Variants in CDKN2B-AS1 observed in about 807,000 individuals in gnomAD.
CDKN2B-AS1 encodes the protein CDKN2B antisense RNA 1 (non-protein coding).
intron 4 of CDKN2B-AS1, among the ~76,000 whole-genome samples, chr9:22,090,484 C>T (rs1423049681): frequency 6.6e-6 from 1 of 152,192 alleles, no homozygotes; most frequent in African/African-American, 2.4e-5. Context: ...TCCTCTCCAG[C>T]ACCTGTTGTT....
At chr9:22,061,698 A>T (rs369806522) in intron 4 of CDKN2B-AS1, among the ~76,000 whole-genome samples, 13 of 152,102 alleles carry the variant, frequency 8.5e-5, no homozygotes, top group African/African-American at 2.9e-4. Flanking sequence ...ACTTGTGTTT[A>T]TTTGTCCCAG....
At chr9:22,054,493 C>T (rs553572395) in intron 3 of CDKN2B-AS1, among the ~76,000 whole-genome samples, 75 of 152,106 alleles carry the variant, frequency 4.9e-4, no homozygotes, top group African/African-American at 1.7e-3. Context: ...TCAGGCACTT[C>T]TTTTCATAGT....
At chr9:22,085,420 T>C (rs1195556931) in intron 4 of CDKN2B-AS1, among the ~76,000 whole-genome samples, 2 of 152,054 alleles carry the variant, frequency 1.3e-5, no homozygotes, top group Non-Finnish European at 2.9e-5. Flanking sequence ...CCAAGGAACA[T>C]ATAAAAGTTC....
At chr9:22,063,364 T>C (rs1823903572) in intron 4 of CDKN2B-AS1, among the ~76,000 whole-genome samples, 1 of 152,004 alleles carries the variant, frequency 6.6e-6, no homozygotes, top group Admixed American at 6.6e-5. Context: ...AAGAAGAAAA[T>C]TATGTTGCCT....
chr9:22,067,317 A>G (rs1824088772), intron 4 of CDKN2B-AS1, among the ~76,000 whole-genome samples: 1 of 152,182 alleles, frequency 6.6e-6, no homozygotes, highest in Non-Finnish European at 1.5e-5. Flanking sequence ...TTTTATTCAG[A>G]AGACTGGAGT....
intron 3 of CDKN2B-AS1, among the ~76,000 whole-genome samples, chr9:22,053,907 A>G (rs1219572336): frequency 1.3e-5 from 2 of 152,092 alleles, no homozygotes; most frequent in Non-Finnish European, 2.9e-5. Flanking sequence ...TAACAGAAAA[A>G]GAGATGGTTT....
intron 4 of CDKN2B-AS1, among the ~76,000 whole-genome samples, chr9:22,099,330 G>C (rs766548527): frequency 1.3e-5 from 2 of 152,078 alleles, no homozygotes; most frequent in Non-Finnish European, 2.9e-5. Flanking sequence ...AGCAATGGGA[G>C]CCTACAAAAT....
At chr9:22,096,303 G>C (rs1825273106) in intron 4 of CDKN2B-AS1, 1 of 152,172 alleles carries the variant, frequency 6.6e-6, no homozygotes, top group Non-Finnish European at 1.5e-5. Flanking sequence ...GTGAGCATTA[G>C]AGAGAAAAAG....
At chr9:22,113,758 C>T (rs75619701) in intron 4 of CDKN2B-AS1, 8 of 152,244 alleles carry the variant, frequency 5.3e-5, no homozygotes, top group African/African-American at 1.4e-4. Flanking sequence ...ATTGGGGATA[C>T]GAAGCTCTAC....
intron 4 of CDKN2B-AS1, among the ~76,000 whole-genome samples, chr9:22,088,070 G>T (rs1376524599): frequency 6.6e-6 from 1 of 152,064 alleles, no homozygotes; most frequent in Non-Finnish European, 1.5e-5. Context: ...GTTAATATAT[G>T]AATTTATCTA....
upstream of CDKN2B-AS1, chr9:21,995,094 C>T (rs1187502054): frequency 2.0e-5 from 3 of 152,204 alleles, no homozygotes; most frequent in Admixed American, 6.5e-5. The surrounding 1 kb of genome is among the most constrained non-coding windows in gnomAD (Gnocchi z 5.7). Context: ...ACGCCTCTGA[C>T]GCGACATCTG....
chr9:22,053,570 CTCT>C (rs753617157), intron 3 of CDKN2B-AS1, among the ~76,000 whole-genome samples: 5 of 152,190 alleles, frequency 3.3e-5, no homozygotes, highest in Non-Finnish European at 5.9e-5. Context: ...GTTTTTCTCT[CTCT>C]TCCCTTTTCC....
chr9:22,072,587 T>A (rs968387202), intron 4 of CDKN2B-AS1, among the ~76,000 whole-genome samples: 4 of 152,202 alleles, frequency 2.6e-5, no homozygotes, highest in African/African-American at 4.8e-5. Context: ...CCTCTAAGGG[T>A]TGTACAACAT....
rs147500678 is a variant in CDKN2B-AS1, at chr9:22,121,130, C to G, written n.439-5973C>G. The stretch of plus-strand genomic sequence containing the variant: ...CTTTTCATGTTATAATACTTTTTCA[C>G]CCCATAACACATAATCACTAATGTT... On this transcript the variant is annotated intron_variant and non_coding_transcript_variant, in intron 4 of 4. Transcript: ENST00000650946. 2.6e-4 allele frequency: 40 copies of G among 152,088 alleles called. 1 individual carries two copies. In the East Asian group the frequency reaches 7.1e-3, roughly 27 times the overall value. The allele number at this position is 152,088 out of a possible 1,614,324, so 9.4% of individuals were successfully genotyped here.
chr9:22,070,817 G>T (rs764306139), intron 4 of CDKN2B-AS1, among the ~76,000 whole-genome samples: 12 of 152,136 alleles, frequency 7.9e-5, no homozygotes, highest in Non-Finnish European at 1.6e-4. Context: ...ATTAACAGAA[G>T]CTCATAGAAT....
intron 1 of CDKN2B-AS1, among the ~76,000 whole-genome samples, chr9:22,034,253 C>CT (rs1280897917): frequency 6.6e-6 from 1 of 152,110 alleles, no homozygotes; most frequent in Admixed American, 6.6e-5. Flanking sequence ...CCAGACTTGC[C>CT]TAAACTAATT....
intron 4 of CDKN2B-AS1, among the ~76,000 whole-genome samples, chr9:22,089,885 G>C (rs1220638216): frequency 2.0e-5 from 3 of 151,852 alleles, no homozygotes; most frequent in African/African-American, 7.3e-5. Flanking sequence ...GTGCAGGTTT[G>C]TTACCTATGT....
intron 3 of CDKN2B-AS1, among the ~76,000 whole-genome samples, chr9:22,054,039 T>C (rs989926408): frequency 2.6e-5 from 4 of 152,214 alleles, no homozygotes; most frequent in Non-Finnish European, 5.9e-5. Flanking sequence ...GGTCCTAATC[T>C]GCAAAACGGA....
chr9:22,099,747 T>TA (rs5896965), intron 4 of CDKN2B-AS1, among the ~76,000 whole-genome samples: 61,368 of 151,568 alleles, frequency 0.4, 13,883 homozygotes, highest in Middle Eastern at 0.63. Flanking sequence ...AATTATTAAG[T>TA]AAAAAAAAGG....
Sources: gnomAD v4.1 joint callset for allele counts (sites outside exome capture counted in the v4.1 genomes callset) on GRCh38, gnomAD v4.1.1 for gene constraint, Gnocchi (gnomAD v3.1) non-coding constraint, MANE v1.5 for transcripts, NCBI Gene and HGNC (gene_info 2026-07-23, HGNC 2026-07-21) for gene names.